Variants in ZCCHC24 observed in about 807,000 individuals in gnomAD.
ZCCHC24 encodes zinc finger CCHC-type containing 24, also known as zinc finger CCHC domain-containing protein 24.
Under a neutral mutation model 26.2 loss-of-function variants are expected in ZCCHC24, and 10 were observed. That is an observed-to-expected ratio of 0.38 (90% confidence interval 0.24 to 0.65). The LOEUF is 0.65. Among genes scored for constraint, ZCCHC24 ranks in the 30% least tolerant of loss-of-function variants. ZCCHC24 has a pLI of 0.54. For synonymous variants in ZCCHC24, 144 were observed against 147.1 expected (o/e 0.98, Z 0.15); for missense variants, 243 against 329.1 (o/e 0.74, Z 2.03).
At chr10:79,394,499 C>A in intron 2 of ZCCHC24, 59 bp from the exon 3 acceptor site, 2 of 1,579,546 alleles carry the variant, frequency 1.3e-6, no homozygotes, top group Admixed American at 1.8e-5. Context: ...TGATGCCCCA[C>A]AGGGTTCCCC....
In ZCCHC24 at chr10:79,445,498, C is replaced by T. The variant is rs1857354761; in HGVS notation, c.-58G>A. ...GCCCGCTCGCGGCCCCCCTCCGCAG[C>T]GGAGGGGCGGGCACCGGGGAGCCTG... is the stretch of plus-strand genomic sequence containing the variant. On this transcript the variant is annotated 5_prime_UTR_variant, in exon 1 of 4. Transcript: ENST00000372336. 1.6e-6 allele frequency: 2 copies of T among 1,281,596 alleles called. No individual in the cohort carries two copies. The highest frequency in any genetic ancestry group is 2.3e-5 in the South Asian group (1 of 42,848). The allele number at this position is 1,281,596 out of a possible 1,614,324, so 79.4% of individuals were successfully genotyped here. A position where few individuals can be genotyped will look rare whatever the true frequency, so the allele number is the denominator to read the frequency against.
In ZCCHC24 at chr10:79,386,588, A is replaced by G. The variant is rs529552400; in HGVS notation, c.613-130T>C. On this transcript the variant is annotated intron_variant, in intron 3 of 3. Coordinates refer to ENST00000372336, the MANE Select transcript of ZCCHC24 (RefSeq NM_153367.4). Reference sequence around the variant, plus strand: ...TACACAGGGAGGGGACCAGACAGAGAGGCACACCTCTGCAGAGACAGAGAC... The same window carrying G: ...TACACAGGGAGGGGACCAGACAGAGGGGCACACCTCTGCAGAGACAGAGAC... The G allele has an allele frequency of 2.8e-5, 18 of 646,640 alleles. No homozygotes were observed. The African/African-American group carries it at 3.1e-4, about 11-fold the overall frequency. The allele number at this position is 646,640 out of a possible 1,614,324, so 40.1% of individuals were successfully genotyped here.
intron 2 of ZCCHC24, among the ~76,000 whole-genome samples, chr10:79,425,981 A>T (rs1415237815): frequency 6.6e-6 from 1 of 152,204 alleles, no homozygotes; most frequent in African/African-American, 2.4e-5. Flanking sequence ...CCCCACAAGG[A>T]TGGACTGCCC....
At chr10:79,443,788 T>C (rs1398762855) in intron 1 of ZCCHC24, among the ~76,000 whole-genome samples, 1 of 152,220 alleles carries the variant, frequency 6.6e-6, no homozygotes, top group East Asian at 1.9e-4. Flanking sequence ...GTGGAGAGAA[T>C]GCTTTACAGT....
Position 79,393,097 on chromosome 10 carries a change from CT to C in ZCCHC24, c.612+1178del, listed in dbSNP as rs1856501331. On this transcript the variant is annotated intron_variant, in intron 3 of 3. Transcript: ENST00000372336. The stretch of plus-strand genomic sequence containing the variant: ...CATCAAACACTGGGATTCAGCATCA[CT>C]TGGTCTAGGGAATCCCTTCTCTACT... Among the ~76,000 whole-genome samples the C allele has an allele frequency of 2.6e-5, 4 of 152,308 alleles. No homozygotes were observed. The South Asian group carries it at 8.3e-4, about 32-fold the overall frequency.
At chr10:79,432,788 G>A (rs770902951) in intron 1 of ZCCHC24, 30 bp from the exon 2 acceptor site, 6 of 1,601,802 alleles carry the variant, frequency 3.7e-6, no homozygotes, top group Non-Finnish European at 5.1e-6. Context: ...ATATACTACA[G>A]CCTCTGCCTT....
intron 2 of ZCCHC24, among the ~76,000 whole-genome samples, chr10:79,420,030 C>T: frequency 6.6e-6 from 1 of 152,076 alleles, no homozygotes; most frequent in East Asian, 1.9e-4. Flanking sequence ...AAGTGGCTCC[C>T]CATGAGCCCT....
At chr10:79,433,188 G>A (rs148657305) in intron 1 of ZCCHC24, among the ~76,000 whole-genome samples, 3 of 152,332 alleles carry the variant, frequency 2.0e-5, no homozygotes, top group Non-Finnish European at 2.9e-5. Flanking sequence ...GCCACTAACT[G>A]GTGGGGTGAC....
At chr10:79,428,555 G>A (rs955353471) in intron 2 of ZCCHC24, among the ~76,000 whole-genome samples, 6 of 152,006 alleles carry the variant, frequency 3.9e-5, no homozygotes, top group South Asian at 2.1e-4. Flanking sequence ...TTAATGCCAC[G>A]AACCGTAAGC....
chr10:79,394,945 G>A (rs536290888), intron 2 of ZCCHC24, among the ~76,000 whole-genome samples: 1 of 152,308 alleles, frequency 6.6e-6, no homozygotes, highest in South Asian at 2.1e-4. Flanking sequence ...CTCCAAAGGC[G>A]GGCCCTGCAT....
At chr10:79,426,655 C>A (rs1403877104) in intron 2 of ZCCHC24, among the ~76,000 whole-genome samples, 1 of 151,822 alleles carries the variant, frequency 6.6e-6, no homozygotes, top group Non-Finnish European at 1.5e-5. Context: ...AGCCCTAGAG[C>A]AACCCTAAAA....
chr10:79,407,381 C>T (rs1856732242), intron 2 of ZCCHC24, among the ~76,000 whole-genome samples: 1 of 152,238 alleles, frequency 6.6e-6, no homozygotes, highest in Non-Finnish European at 1.5e-5. Flanking sequence ...TACGGCTGTG[C>T]TCGTCTTTCT....
rs1857186474 is a variant in ZCCHC24 at position 79,434,419 on chromosome 10, GGGAGCCAAT to G, written c.247-1670_247-1662del. On this transcript the variant is annotated intron_variant, in intron 1 of 3. Transcript: ENST00000372336. The stretch of plus-strand genomic sequence containing the variant: ...GAGGGTCCCCCGTCCCTGGAGCTGT[GGGAGCCAAT>G]GGGGGTCAACCTTCCACGGCATGGG... 2.6e-5 allele frequency among the ~76,000 whole-genome samples: 4 copies of G among 152,166 alleles called. No individual in the cohort carries two copies. In the South Asian group the frequency reaches 8.3e-4, roughly 32 times the overall value.
intron 2 of ZCCHC24, among the ~76,000 whole-genome samples, chr10:79,429,395 A>C (rs1270958851): frequency 1.3e-5 from 2 of 152,152 alleles, no homozygotes; most frequent in Non-Finnish European, 1.5e-5. Flanking sequence ...CAGCCTGGCC[A>C]ACATGGTGAA....
intron 1 of ZCCHC24, among the ~76,000 whole-genome samples, chr10:79,442,263 C>T (rs1857300234): frequency 2.0e-5 from 3 of 152,194 alleles, no homozygotes; most frequent in Non-Finnish European, 4.4e-5. Flanking sequence ...GGCACCCTCA[C>T]CACAAGCTGG....
chr10:79,405,220 C>CA (rs137934236), intron 2 of ZCCHC24, among the ~76,000 whole-genome samples: 4,026 of 152,344 alleles, frequency 0.026, 197 homozygotes, highest in African/African-American at 0.093. Flanking sequence ...TTGCCAAACT[C>CA]AGAGATTTCA....
intron 2 of ZCCHC24, among the ~76,000 whole-genome samples, chr10:79,428,769 G>T (rs540165741): frequency 6.6e-6 from 1 of 152,030 alleles, no homozygotes; most frequent in African/African-American, 2.4e-5. Flanking sequence ...GACTCAAATT[G>T]CAAGAATCAG....
intron 3 of ZCCHC24, among the ~76,000 whole-genome samples, chr10:79,387,913 C>T (rs1341706875): frequency 1.3e-5 from 2 of 152,132 alleles, no homozygotes; most frequent in Non-Finnish European, 2.9e-5. Context: ...TCCCTGTGCT[C>T]CCAGGCTTAA....
At chr10:79,412,135 T>G (rs1044736003) in intron 2 of ZCCHC24, among the ~76,000 whole-genome samples, 5 of 152,196 alleles carry the variant, frequency 3.3e-5, no homozygotes, top group African/African-American at 1.2e-4. Flanking sequence ...TGTGCACAGG[T>G]CTGCAGCTGC....
Sources: gnomAD v4.1 joint callset for allele counts (sites outside exome capture counted in the v4.1 genomes callset) on GRCh38, gnomAD v4.1.1 for gene constraint, MANE v1.5 for transcripts, NCBI Gene and HGNC (gene_info 2026-07-23, HGNC 2026-07-21) for gene names.